Variants in PTGIS observed in about 807,000 individuals in gnomAD.
PTGIS encodes the protein prostacyclin synthase.
A neutral mutation model predicts 50.3 loss-of-function variants in PTGIS; 45 were observed. The ratio of observed to expected loss-of-function variants is 0.90; its 90% CI spans 0.70 to 1.15. The LOEUF is 1.15. PTGIS is among the 50% of genes most tolerant of loss of function. The pLI is 0.00. For synonymous variants in PTGIS, 260 were observed against 267.7 expected (o/e 0.97, Z 0.28); for missense variants, 668 against 661.3 (o/e 1.01, Z -0.11).
Position 49,507,892 on chromosome 20 carries a change from G to C in PTGIS, c.*28C>G. ...AGGCTGGGGCAGGCTGGGCAGAGGCGAGCACGTGGATCCATCTGCTCCCTG... is the reference window on the plus strand; with the variant it reads ...AGGCTGGGGCAGGCTGGGCAGAGGCCAGCACGTGGATCCATCTGCTCCCTG... On this transcript the variant is annotated 3_prime_UTR_variant, in exon 10 of 10. Transcript: ENST00000244043. The C allele has an allele frequency of 3.1e-6, 5 of 1,607,548 alleles. No individual in the cohort carries two copies. The highest frequency in any genetic ancestry group is 4.2e-6 in the Non-Finnish European group (5 of 1,179,952).
chr20:49,547,944 T>C lies in PTGIS; in HGVS notation c.274A>G (p.Thr92Ala). The C allele has an allele frequency of 6.2e-7, 1 of 1,614,110 alleles. No homozygotes were observed. The part of the protein sequence containing the change: ...SYDAVVWEPR[T>A]RLDFHAYAIF... ...GCATAGGCATGGAAGTCGAGCCTGG[T>C]GCGAGGCTCCCACACCACCGCGTCG... is the stretch of plus-strand genomic sequence containing the variant. Residue 92 changes from threonine to alanine, a missense_variant, in exon 3 of 10, where the codon ACC becomes GCC. Coordinates refer to ENST00000244043, the MANE Select transcript of PTGIS (RefSeq NM_000961.4).
intron 1 of PTGIS, among the ~76,000 whole-genome samples, chr20:49,563,851 A>G (rs1365186022): frequency 1.3e-5 from 2 of 152,204 alleles, no homozygotes; most frequent in Non-Finnish European, 2.9e-5. Context: ...CCTCCCAACC[A>G]AGAGATCTCT....
chr20:49,507,022 T>G lies in PTGIS; in HGVS notation c.*898A>C, dbSNP rs999078662. Reference sequence around the variant, plus strand: ...CCAAAGATGATAACAACTAAGGCATTTTTTTAAGTGAAGTCCAAACAAAAC... The same window carrying G: ...CCAAAGATGATAACAACTAAGGCATGTTTTTAAGTGAAGTCCAAACAAAAC... On this transcript the variant is annotated 3_prime_UTR_variant, in exon 10 of 10. Transcript: ENST00000244043. 2 of 152,172 alleles carry G rather than the reference T, an allele frequency of 1.3e-5. No individual in the cohort carries two copies. 9.4% of individuals were successfully genotyped at this position (152,172 alleles called of 1,614,324 possible).
Position 49,507,933 on chromosome 20 carries a change from C to T in PTGIS, c.1490G>A (p.Arg497His), listed in dbSNP as rs375656558. ...QPEHDVPVRY[R>H]IRP ...CTGCTCCCTGTGTCATGGGCGGATG[C>T]GGTAGCGGACGGGCACGTCGTGTTC... is the stretch of plus-strand genomic sequence containing the variant. Residue 497 changes from arginine to histidine, a missense_variant, in exon 10 of 10, where the codon CGC becomes CAC. Arg to His is a conservative substitution (Grantham distance 29). Coordinates refer to ENST00000244043, the MANE Select transcript of PTGIS (RefSeq NM_000961.4). 1.1e-4 allele frequency: 183 copies of T among 1,612,252 alleles called. No individual in the cohort carries two copies. The highest frequency in any genetic ancestry group is 9.7e-5 in the Non-Finnish European group (114 of 1,180,022).
At chr20:49,564,964 T>C (rs1298245737) in intron 1 of PTGIS, among the ~76,000 whole-genome samples, 1 of 151,104 alleles carries the variant, frequency 6.6e-6, no homozygotes, top group African/African-American at 2.4e-5. Flanking sequence ...TTGTTTCACT[T>C]GTTTGCCCTT....
rs566817444 is a variant in PTGIS at position 49,559,205 on chromosome 20, G to A, written c.74+8838C>T. Among the ~76,000 whole-genome samples, 61 of 152,268 alleles carry A rather than the reference G, an allele frequency of 4.0e-4. No homozygotes were observed. In the Middle Eastern group the frequency reaches 0.027, roughly 68 times the overall value. On this transcript the variant is annotated intron_variant, in intron 1 of 9. Transcript: ENST00000244043. ...GTTTTGCTTTAAAGATAATAATATA[G>A]ATTCTTATGGAAGATTGTTAGGTAA...
chr20:49,518,876 G>C (rs191523798), intron 6 of PTGIS, among the ~76,000 whole-genome samples: 2 of 152,272 alleles, frequency 1.3e-5, no homozygotes, highest in Admixed American at 6.5e-5. Context: ...GCTATGTGCA[G>C]GCCCAGCAGC....
At chr20:49,522,821 A>G (rs991410206) in intron 6 of PTGIS, among the ~76,000 whole-genome samples, 1 of 152,022 alleles carries the variant, frequency 6.6e-6, no homozygotes, top group African/African-American at 2.4e-5. Flanking sequence ...TTAAAAGATC[A>G]AAACCATCCT....
chr20:49,567,996 G>C (rs1370116369), intron 1 of PTGIS, 47 bp downstream of exon 1: 3 of 1,450,054 alleles, frequency 2.1e-6, no homozygotes, highest in East Asian at 3.0e-5. Flanking sequence ...GCCCGGGCGG[G>C]AGCCGCCCCC....
intron 6 of PTGIS, 137 bp from the exon 7 acceptor site, chr20:49,514,532 G>A: frequency 9.2e-7 from 1 of 1,082,174 alleles, no homozygotes; most frequent in Admixed American, 2.0e-5. Flanking sequence ...GGCATGACCA[G>A]TGTCTATCTC....
Position 49,508,056 on chromosome 20 carries a change from A to G in PTGIS, c.1367T>C (p.Phe456Ser), listed in dbSNP as rs1264010861. 20 of 1,613,740 alleles carry G rather than the reference A, an allele frequency of 1.2e-5. No individual in the cohort carries two copies. In the Admixed American group the frequency reaches 2.5e-4, roughly 20 times the overall value. Residue 456 changes from phenylalanine to serine, a missense_variant, in exon 10 of 10, where the codon TTC becomes TCC. Phe to Ser is a radical substitution (Grantham distance 155). Transcript: ENST00000244043. ...YAVNSIKQFV[F>S]LVLVHLDLEL... ...CAAGTCCAAGTGCACCAGCACAAGGAACACAAATCTGCAGAGAGATGGCAT... is the reference window on the plus strand; with the variant it reads ...CAAGTCCAAGTGCACCAGCACAAGGGACACAAATCTGCAGAGAGATGGCAT...
intron 1 of PTGIS, among the ~76,000 whole-genome samples, chr20:49,559,529 G>A (rs1601205227): frequency 6.6e-6 from 1 of 152,320 alleles, no homozygotes; most frequent in Non-Finnish European, 1.5e-5. Context: ...CGTAATAGCT[G>A]AAAAGTGAAA....
chr20:49,520,297 T>C (rs1201773316), intron 6 of PTGIS, among the ~76,000 whole-genome samples: 2 of 152,082 alleles, frequency 1.3e-5, no homozygotes, highest in Non-Finnish European at 2.9e-5. Context: ...CCTGCCTTCC[T>C]GCTGCATCTC....
In PTGIS at chr20:49,534,049, A is replaced by G. The variant is rs1235675488; in HGVS notation, c.673+5521T>C. ...CTGCCTGCAGCTTGCTCTTTTTTGT[A>G]ACAGTAGATTTCATTCACTACCAGT... On this transcript the variant is annotated intron_variant, in intron 5 of 9. Coordinates refer to ENST00000244043, the MANE Select transcript of PTGIS (RefSeq NM_000961.4). Among the ~76,000 whole-genome samples the G allele has an allele frequency of 1.2e-4, 19 of 152,100 alleles. 1 individual carries two copies. Among genetic ancestry groups the G allele is most frequent in the Admixed American group, 1.2e-3 (19 of 15,254 alleles).
intron 1 of PTGIS, among the ~76,000 whole-genome samples, chr20:49,559,792 G>A (rs1982718457): frequency 6.6e-6 from 1 of 152,152 alleles, no homozygotes; most frequent in South Asian, 2.1e-4. Context: ...GCCCAGGGCT[G>A]GAGGAGGGGG....
At chr20:49,535,297 A>G (rs761370498) in intron 5 of PTGIS, among the ~76,000 whole-genome samples, 1 of 152,230 alleles carries the variant, frequency 6.6e-6, no homozygotes, top group African/African-American at 2.4e-5. Flanking sequence ...TGGCAGAAGC[A>G]GATAAAAATT....
intron 2 of PTGIS, among the ~76,000 whole-genome samples, chr20:49,548,248 T>C (rs1982415604): frequency 6.6e-6 from 1 of 152,122 alleles, no homozygotes; most frequent in South Asian, 2.1e-4. Flanking sequence ...GTGCCCAAGA[T>C]CTCATAGCTG....
chr20:49,527,687 C>T (rs568729131), intron 5 of PTGIS, among the ~76,000 whole-genome samples: 1 of 152,154 alleles, frequency 6.6e-6, no homozygotes, highest in Non-Finnish European at 1.5e-5. Flanking sequence ...CATGGTTATA[C>T]AACATTGTGA....
At chr20:49,523,058 A>G (rs1601184681) in intron 6 of PTGIS, among the ~76,000 whole-genome samples, 1 of 152,188 alleles carries the variant, frequency 6.6e-6, no homozygotes, top group East Asian at 1.9e-4. Context: ...AGAAAACAGA[A>G]GAGTCAGAAT....
Sources: gnomAD v4.1 joint callset for allele counts (sites outside exome capture counted in the v4.1 genomes callset) on GRCh38, gnomAD v4.1.1 for gene constraint, MANE v1.5 for transcripts, NCBI Gene and HGNC (gene_info 2026-07-23, HGNC 2026-07-21) for gene names.